Variants in CSMD1 observed in about 807,000 individuals in gnomAD.
CSMD1 encodes CUB and sushi domain-containing protein 1.
CSMD1 carries 213 observed loss-of-function variants against 417.5 expected under a neutral mutation model. The observed-to-expected ratio is 0.51, with a 90% CI of 0.46 to 0.57. The LOEUF is 0.57. CSMD1 is among the 20% of genes least tolerant of loss of function. The pLI is 0.00. For missense variants in CSMD1, 6,923 were observed against 4,529.7 expected (o/e 1.53, Z -15.17); for synonymous variants, 2,862 against 1,736.8 (o/e 1.65, Z -16.11).
rs991648323 is a variant in CSMD1, at chr8:4,444,745, T to C, written c.303-24680A>G. Among the ~76,000 whole-genome samples, 5 of 152,192 alleles carry C rather than the reference T, an allele frequency of 3.3e-5. No homozygotes were observed. The South Asian group carries it at 8.3e-4, about 25-fold the overall frequency. On this transcript the variant is annotated intron_variant, in intron 2 of 69. Coordinates refer to ENST00000635120, the MANE Select transcript of CSMD1 (RefSeq NM_033225.6). The stretch of plus-strand genomic sequence containing the variant: ...AGGAAAATAATGAGGTAAAATGATA[T>C]GAATATGTCTACCTAATTTTCCCTG...
intron 2 of CSMD1, among the ~76,000 whole-genome samples, chr8:4,520,920 A>G (rs1286951214): frequency 6.6e-6 from 1 of 152,192 alleles, no homozygotes; most frequent in African/African-American, 2.4e-5. Flanking sequence ...ATGGGTTAAC[A>G]TTATTAAAAT....
At chr8:3,398,718 C>G (rs559207853) in intron 16 of CSMD1, among the ~76,000 whole-genome samples, 1 of 152,072 alleles carries the variant, frequency 6.6e-6, no homozygotes, top group Non-Finnish European at 1.5e-5. Context: ...ATGACAAAAT[C>G]TTTTTAGTTT....
At chr8:3,071,934 C>T (rs1457288556) in intron 49 of CSMD1, among the ~76,000 whole-genome samples, 1 of 152,208 alleles carries the variant, frequency 6.6e-6, no homozygotes, top group Non-Finnish European at 1.5e-5. Context: ...TACTGTTTTA[C>T]TCCTCATGAC....
chr8:3,290,087 C>G (rs955373175), intron 25 of CSMD1, among the ~76,000 whole-genome samples: 4 of 147,000 alleles, frequency 2.7e-5, no homozygotes, highest in Non-Finnish European at 5.9e-5. Flanking sequence ...ATAGGGAATG[C>G]TTTCCCCATT....
intron 50 of CSMD1, among the ~76,000 whole-genome samples, chr8:3,040,064 G>T (rs544681667): frequency 6.6e-6 from 1 of 152,158 alleles, no homozygotes; most frequent in Admixed American, 6.5e-5. Flanking sequence ...GTCTCCTATG[G>T]ATTGGTCCAG....
intron 2 of CSMD1, among the ~76,000 whole-genome samples, chr8:4,428,330 T>C (rs1161592191): frequency 1.3e-5 from 2 of 152,292 alleles, no homozygotes; most frequent in Non-Finnish European, 2.9e-5. Context: ...AACACCTTTC[T>C]CTATCATCTA....
chr8:3,641,983 TAA>T (rs1797329441), intron 7 of CSMD1, among the ~76,000 whole-genome samples: 1 of 152,122 alleles, frequency 6.6e-6, no homozygotes, highest in African/African-American at 2.4e-5. Flanking sequence ...GCAGCAATCC[TAA>T]GAGATTAGCA....
intron 5 of CSMD1, among the ~76,000 whole-genome samples, chr8:3,808,900 C>G (rs778734527): frequency 4.6e-5 from 7 of 152,272 alleles, no homozygotes; most frequent in South Asian, 2.1e-4. Flanking sequence ...GGATTTTAAA[C>G]TTCTAGTCAG....
rs1048287499 is a variant in CSMD1 at position 3,049,374 on chromosome 8, T to C, written c.7660+3088A>G. Among the ~76,000 whole-genome samples, 5 of 152,110 alleles carry C rather than the reference T, an allele frequency of 3.3e-5. No homozygotes were observed. The East Asian group carries it at 5.8e-4, about 18-fold the overall frequency. On this transcript the variant is annotated intron_variant, in intron 50 of 69. Coordinates refer to ENST00000635120, the MANE Select transcript of CSMD1 (RefSeq NM_033225.6). ...AAACGGGTAAATAAGCCATGGTCCATACAGACAATGGAATATTGTTCAGTA... is the reference window on the plus strand; with the variant it reads ...AAACGGGTAAATAAGCCATGGTCCACACAGACAATGGAATATTGTTCAGTA...
At chr8:4,030,850 G>A (rs1025149527) in intron 4 of CSMD1, among the ~76,000 whole-genome samples, 1 of 152,144 alleles carries the variant, frequency 6.6e-6, no homozygotes. Flanking sequence ...TTGCTGCTTA[G>A]AAATTTATTC....
In CSMD1 at chr8:2,962,623, G is replaced by A; in HGVS notation, c.9471C>T (p.Asp3157=). The change falls in exon 61 of 70, where the codon GAC becomes GAT. Residue 3157 remains aspartate, a synonymous_variant. Coordinates refer to ENST00000635120, the MANE Select transcript of CSMD1 (RefSeq NM_033225.6). ...GTCGCCCTTCTGCGGGGATGCCAGGGTCTCCGCAGAACACAGCTATGGAAG... is the reference window on the plus strand; with the variant it reads ...GTCGCCCTTCTGCGGGGATGCCAGGATCTCCGCAGAACACAGCTATGGAAG... The part of the protein sequence containing the change: ...IPQCLPVFCG[D]PGIPAEGRLS... 2 of 1,613,716 alleles carry A rather than the reference G, an allele frequency of 1.2e-6. No individual in the cohort carries two copies. The highest frequency in any genetic ancestry group is 1.7e-6 in the Non-Finnish European group (2 of 1,179,782).
chr8:4,313,227 G>GA lies in CSMD1; in HGVS notation c.415+106725dup, dbSNP rs561237082. Among the ~76,000 whole-genome samples, 807 of 152,096 alleles carry GA rather than the reference G, an allele frequency of 5.3e-3. 9 individuals carry two copies. Among genetic ancestry groups the GA allele is most frequent in the African/African-American group, 0.018 (767 of 41,494 alleles). Reference sequence around the variant, plus strand: ...ATAACAGGAAAAGCTTAACAACCCTGAAAAAACCTAGTTGGCTAAATTTTC... The same window carrying GA: ...ATAACAGGAAAAGCTTAACAACCCTGAAAAAAACCTAGTTGGCTAAATTTTC... On this transcript the variant is annotated intron_variant, in intron 3 of 69. Transcript: ENST00000635120.
At chr8:3,132,606 C>T (rs1014517240) in intron 41 of CSMD1, among the ~76,000 whole-genome samples, 4 of 152,130 alleles carry the variant, frequency 2.6e-5, no homozygotes, top group Non-Finnish European at 4.4e-5. Context: ...CCAAAACACA[C>T]TTCTTTGGTA....
intron 6 of CSMD1, among the ~76,000 whole-genome samples, chr8:3,715,638 G>C (rs772671250): frequency 1.6e-4 from 24 of 152,250 alleles, no homozygotes; most frequent in African/African-American, 4.3e-4. Context: ...CACCTCCCGG[G>C]TTCAAGTGAT....
intron 3 of CSMD1, among the ~76,000 whole-genome samples, chr8:4,045,198 A>C (rs1383740024): frequency 5.3e-5 from 8 of 152,154 alleles, no homozygotes; most frequent in Non-Finnish European, 1.0e-4. Flanking sequence ...CTCATCTCTG[A>C]GGAACCCACA....
chr8:4,111,623 C>T (rs988386930), intron 3 of CSMD1, among the ~76,000 whole-genome samples: 9 of 152,204 alleles, frequency 5.9e-5, no homozygotes, highest in Non-Finnish European at 1.2e-4. Context: ...TTTGTAGGGA[C>T]GTGGATGGAG....
At chr8:3,946,849 T>C (rs1811263818) in intron 5 of CSMD1, among the ~76,000 whole-genome samples, 1 of 152,184 alleles carries the variant, frequency 6.6e-6, no homozygotes, top group Non-Finnish European at 1.5e-5. Flanking sequence ...TTTAAAAATT[T>C]TGTTTTGAAA....
At chr8:4,630,218 T>C (rs571367482) in intron 2 of CSMD1, among the ~76,000 whole-genome samples, 1 of 151,822 alleles carries the variant, frequency 6.6e-6, no homozygotes, top group Non-Finnish European at 1.5e-5. Context: ...GAATTTCTAA[T>C]TACTAGTCAT....
At chr8:4,245,430 G>T (rs115027419) in intron 3 of CSMD1, among the ~76,000 whole-genome samples, 1 of 152,250 alleles carries the variant, frequency 6.6e-6, no homozygotes, top group Non-Finnish European at 1.5e-5. Flanking sequence ...GGAGGAGGCA[G>T]GTTAGGTGGT....
Sources: allele counts gnomAD v4.1 joint callset (sites outside exome capture counted in the v4.1 genomes callset), GRCh38; gene constraint gnomAD v4.1.1; transcripts MANE v1.5; gene names NCBI Gene and HGNC (gene_info 2026-07-23, HGNC 2026-07-21).